The following CIP2A variants were observed in gnomAD, a reference collection of about 807,000 sequenced individuals.
CIP2A encodes the protein protein CIP2A.
CIP2A carries 103 observed loss-of-function variants against 110.9 expected under a neutral mutation model. The observed-to-expected ratio is 0.93, with a 90% CI of 0.79 to 1.09. CIP2A has a LOEUF of 1.09. Among genes scored for constraint, CIP2A ranks in the 50% least tolerant of loss-of-function variants. The pLI, the probability that CIP2A is intolerant of heterozygous loss-of-function variation, is 0.00. For synonymous variants in CIP2A, 381 were observed against 361.6 expected, an observed-to-expected ratio of 1.05 and a Z score of -0.61; for missense variants, 1,088 against 1,038.4, an observed-to-expected ratio of 1.05 and a Z score of -0.66.
intron 8 of CIP2A, among the ~76,000 whole-genome samples, chr3:108,575,514 ACATACATATATACACGTATATATACT>A (rs1433339316): frequency 2.7e-5 from 4 of 147,490 alleles, no homozygotes; most frequent in Non-Finnish European, 5.9e-5. Flanking sequence ...GTATATATAC[ACATACATATATACACGTATATATACT>A]CATATACATG....
Position 108,583,102 on chromosome 3 carries a change from G to T in CIP2A, c.251-19C>A, listed in dbSNP as rs1938935420. On this transcript the variant is annotated intron_variant, in intron 2 of 20. Coordinates refer to ENST00000295746, the MANE Select transcript of CIP2A (RefSeq NM_020890.3). ...TCTACTGCTATAAGTTAAAATAAAA[G>T]CACAAAATATATCATTTTCTTACAA... The T allele has an allele frequency of 7.4e-7, 1 of 1,353,618 alleles. No individual in the cohort carries two copies. Among genetic ancestry groups the T allele is most frequent in the Non-Finnish European group, 1.0e-6 (1 of 970,216 alleles). 83.9% of individuals were successfully genotyped at this position (1,353,618 alleles called of 1,614,324 possible).
At chr3:108,570,469 G>GTA (rs2107341130) in intron 8 of CIP2A, among the ~76,000 whole-genome samples, 1 of 152,154 alleles carries the variant, frequency 6.6e-6, no homozygotes, top group Admixed American at 6.6e-5. Context: ...TGTGAACATC[G>GTA]TAAGAGTGTA....
intron 10 of CIP2A, among the ~76,000 whole-genome samples, chr3:108,567,257 T>G (rs75858627): frequency 1.3e-5 from 2 of 151,758 alleles, no homozygotes; most frequent in East Asian, 3.9e-4. Flanking sequence ...TTTTTTTTTT[T>G]ACATGTTCTC....
Position 108,551,326 on chromosome 3 carries a change from A to G in CIP2A, c.2548-7T>C, listed in dbSNP as rs376908993. 1 of 1,597,976 alleles carries G rather than the reference A, an allele frequency of 6.3e-7. No individual in the cohort carries two copies. Among genetic ancestry groups the G allele is most frequent in the Non-Finnish European group, 8.5e-7 (1 of 1,171,148 alleles). ...GAACCTCTAGGGAGGAAGCCTAAGG[A>G]ATTGGGGTTGGGGGAGGAGGAAGAA... On this transcript the variant is annotated splice_region_variant and splice_polypyrimidine_tract_variant and intron_variant, in intron 20 of 20. Transcript: ENST00000295746.
Position 108,579,642 on chromosome 3 carries a change from T to C in CIP2A, c.596A>G (p.His199Arg), listed in dbSNP as rs2107362752. ...AAACACAACCACAGTTAAACTACTA[T>C]GGGCCAACAAGGTGATAAGAGTTCG... Reference protein sequence around the residue: ...FYRTLITLLAHSSLTVVVFAL... With the variant: ...FYRTLITLLARSSLTVVVFAL... The change falls in exon 6 of 21, where the codon CAT becomes CGT. Residue 199 changes from histidine (H) to arginine (R), a missense_variant. His to Arg is a conservative substitution (Grantham distance 29). Transcript: ENST00000295746. The C allele has an allele frequency of 1.9e-6, 3 of 1,604,942 alleles. No homozygotes were observed. The highest frequency in any genetic ancestry group is 2.2e-5 in the East Asian group (1 of 44,576).
Position 108,569,569 on chromosome 3 carries a change from C to T in CIP2A, c.933G>A (p.Gln311=). The T allele has an allele frequency of 6.2e-7, 1 of 1,612,576 alleles. No individual in the cohort carries two copies. The highest frequency in any genetic ancestry group is 1.3e-5 in the African/African-American group (1 of 74,902). The part of the protein sequence containing the change: ...ELLLAFCSVT[Q]LRHMLTQMMF... ...TCATCTGAGTGAGCATATGGCGCAG[C>T]TGAGTCACTGAACAGAAGGCAAGAA... The change falls in exon 9 of 21, where the codon CAG becomes CAA. Residue 311 remains glutamine (Q), a synonymous_variant. Transcript: ENST00000295746.
At chr3:108,560,168 T>G in intron 14 of CIP2A, 140 bp from the exon 15 acceptor site, 1 of 591,556 alleles carries the variant, frequency 1.7e-6, no homozygotes, top group Non-Finnish European at 3.0e-6. Flanking sequence ...ATCAGGTAAG[T>G]CACAAATATT....
chr3:108,575,224 T>C (rs1052618876), intron 8 of CIP2A, among the ~76,000 whole-genome samples: 6 of 152,078 alleles, frequency 3.9e-5, no homozygotes, highest in Non-Finnish European at 7.4e-5. Context: ...ACGTATTATA[T>C]GCTTTTATTT....
chr3:108,557,248 A>C lies in CIP2A; in HGVS notation c.2180T>G (p.Leu727Arg). 6.3e-7 allele frequency: 1 copy of C among 1,599,700 alleles called. No homozygotes were observed. The highest frequency in any genetic ancestry group is 8.5e-7 in the Non-Finnish European group (1 of 1,170,000). The change falls in exon 17 of 21, where the codon CTG (leucine) becomes CGG (arginine). Residue 727 changes from leucine to arginine, a missense_variant. Coordinates refer to ENST00000295746, the MANE Select transcript of CIP2A (RefSeq NM_020890.3). ...AAGAAGTTCCATGTAGGATTTTGTC[A>C]GTATTTCATGTTCTTCAGCCACAGA... ...LESVAEEHEI[L>R]TKSYMELLQR...
Sources: gnomAD v4.1 joint callset for allele counts (sites outside exome capture counted in the v4.1 genomes callset) on GRCh38, gnomAD v4.1.1 for gene constraint, MANE v1.5 for transcripts, NCBI Gene and HGNC (gene_info 2026-07-23, HGNC 2026-07-21) for gene names.